Variants in APBA2 observed in about 807,000 individuals in gnomAD.
The protein encoded by APBA2 is amyloid beta precursor protein binding family A member 2, also known as amyloid-beta A4 precursor protein-binding family A member 2.
A neutral mutation model predicts 75.0 loss-of-function variants in APBA2; 30 were observed. The observed-to-expected ratio is 0.40, with a 90% CI of 0.30 to 0.54. The LOEUF (loss-of-function observed/expected upper bound fraction) is 0.54, where lower values mean the gene tolerates loss of function less well. Among genes scored for constraint, APBA2 ranks in the 20% least tolerant of loss-of-function variants. The probability of loss-of-function intolerance (pLI) is 0.49; values close to 1 mark genes in which losing one functional copy is unlikely to be tolerated. For missense variants in APBA2, 801 were observed against 1,016.1 expected (o/e 0.79, Z 2.88); for synonymous variants, 444 against 409.6 (o/e 1.08, Z -1.01).
At chr15:28,932,932 C>G (rs1489038116) in intron 2 of APBA2, among the ~76,000 whole-genome samples, 1 of 152,038 alleles carries the variant, frequency 6.6e-6, no homozygotes, top group Non-Finnish European at 1.5e-5. Flanking sequence ...ATGAACAGAA[C>G]ATTATTTGGC....
At chr15:29,051,524 G>T (rs1381569920) in intron 3 of APBA2, among the ~76,000 whole-genome samples, 1 of 152,186 alleles carries the variant, frequency 6.6e-6, no homozygotes, top group Non-Finnish European at 1.5e-5. Context: ...GAATTCACAC[G>T]TTGGAAGCAT....
chr15:29,052,454 C>CAAAAAAAAA (rs61521872), intron 3 of APBA2, among the ~76,000 whole-genome samples: 6 of 103,184 alleles, frequency 5.8e-5, no homozygotes, highest in Admixed American at 9.8e-5. Context: ...GACTCCATCT[C>CAAAAAAAAA]AAAAAAAAAA....
intron 4 of APBA2, among the ~76,000 whole-genome samples, chr15:29,065,815 G>A (rs866870468): frequency 1.3e-5 from 2 of 152,186 alleles, no homozygotes; most frequent in Non-Finnish European, 2.9e-5. Context: ...GCCTCCATCT[G>A]GTCCTGGTCC....
In APBA2 at chr15:29,046,916, C is replaced by T. The variant is rs2041363423; in HGVS notation, c.-40-6929C>T. 6.6e-6 allele frequency among the ~76,000 whole-genome samples: 1 copy of T among 152,262 alleles called. No homozygotes were observed. The highest frequency in any genetic ancestry group is 6.5e-5 in the Admixed American group (1 of 15,288). On this transcript the variant is annotated intron_variant, in intron 3 of 14. Transcript: ENST00000683413. This position sits in a 1 kb window ranked among gnomAD's most constrained non-coding sequence, Gnocchi z 5.0. ...TCCCCGTTCCCATCTAAGACATTCA[C>T]CTCATCAGGCATCTCTCCTGGACCA...
chr15:28,901,145 G>A (rs2032826355), intron 1 of APBA2, among the ~76,000 whole-genome samples: 2 of 152,218 alleles, frequency 1.3e-5, no homozygotes, highest in Non-Finnish European at 1.5e-5. Flanking sequence ...TAGAACCTCA[G>A]AAAGATTTTG....
At chr15:29,071,422 G>A (rs996727647) in intron 4 of APBA2, among the ~76,000 whole-genome samples, 3 of 151,614 alleles carry the variant, frequency 2.0e-5, no homozygotes, top group South Asian at 2.1e-4. Context: ...CGCCTTCTCC[G>A]AGTGATGGCT....
chr15:28,903,113 C>T (rs2032953106), intron 1 of APBA2, among the ~76,000 whole-genome samples: 1 of 152,164 alleles, frequency 6.6e-6, no homozygotes, highest in Non-Finnish European at 1.5e-5. Flanking sequence ...TGGTGCCGGC[C>T]AGGTTCCATG....
chr15:29,077,559 C>A (rs1488006812), intron 6 of APBA2, among the ~76,000 whole-genome samples: 21 of 152,160 alleles, frequency 1.4e-4, no homozygotes, highest in Non-Finnish European at 1.5e-5. Flanking sequence ...GCCTGGGGTA[C>A]CTCGGACTCT....
intron 4 of APBA2, among the ~76,000 whole-genome samples, chr15:29,063,135 G>A (rs112102232): frequency 1.8e-5 from 2 of 108,862 alleles, no homozygotes; most frequent in African/African-American, 7.2e-5. Flanking sequence ...GTGGGGAGGG[G>A]AGTTGATCTG....
intron 2 of APBA2, among the ~76,000 whole-genome samples, chr15:28,962,699 A>T (rs1262530987): frequency 0.019 from 1 of 52 alleles, no homozygotes; most frequent in Non-Finnish European, 0.038. Flanking sequence ...AGTGTGAGCC[A>T]CCATGGCCCA....
At chr15:29,062,186 C>G (rs981676986) in intron 4 of APBA2, among the ~76,000 whole-genome samples, 1 of 152,178 alleles carries the variant, frequency 6.6e-6, no homozygotes, top group African/African-American at 2.4e-5. Flanking sequence ...TTTCTGCAGC[C>G]ATGCCTCAGA....
chr15:29,101,122 C>T (rs1051945779), intron 9 of APBA2, among the ~76,000 whole-genome samples: 13 of 150,736 alleles, frequency 8.6e-5, no homozygotes, highest in Admixed American at 8.6e-4. Flanking sequence ...GCTCCTAACA[C>T]CTTGCAGTGC....
At chr15:28,962,526 G>A (rs751106420) in intron 2 of APBA2, among the ~76,000 whole-genome samples, 37 of 151,938 alleles carry the variant, frequency 2.4e-4, no homozygotes, top group Non-Finnish European at 4.0e-4. Flanking sequence ...CAGAGATCGC[G>A]CCACTGCACT....
chr15:29,047,597 G>A (rs995950614), intron 3 of APBA2, among the ~76,000 whole-genome samples: 5 of 152,272 alleles, frequency 3.3e-5, no homozygotes, highest in East Asian at 1.9e-4. Flanking sequence ...TTCAGCCATC[G>A]TAAAGTGAAA....
At position 29,025,974 on chromosome 15, in the gene APBA2, ATGGCCC is replaced by A. The variant is rs1156485445; in HGVS notation, c.-40-27870_-40-27865del. ...TCAAAAAAAAAAAAAAAGAAAAGAAATGGCCCAGAGATGGCGGGCTGGATAACATAT... is the reference window on the plus strand; with the variant it reads ...TCAAAAAAAAAAAAAAAGAAAAGAAAAGAGATGGCGGGCTGGATAACATAT... On this transcript the variant is annotated intron_variant, in intron 3 of 14. Coordinates refer to ENST00000683413, the MANE Select transcript of APBA2 (RefSeq NM_001353788.2). 2.3e-4 allele frequency among the ~76,000 whole-genome samples: 27 copies of A among 115,256 alleles called. 2 individuals are homozygous for A. Among genetic ancestry groups the A allele is most frequent in the Non-Finnish European group, 3.0e-4 (13 of 42,774 alleles). 75.6% of individuals were successfully genotyped at this position (115,256 alleles called of 152,430 possible).
intron 3 of APBA2, among the ~76,000 whole-genome samples, chr15:29,000,743 A>G (rs2038799744): frequency 6.6e-6 from 1 of 152,148 alleles, no homozygotes; most frequent in South Asian, 2.1e-4. Context: ...GGCATGTGCC[A>G]CCACACCCAG....
chr15:29,104,014 G>A lies in APBA2; in HGVS notation c.1525-1365G>A, dbSNP rs567532368. ...GTGGGAACCGGCAAGTCCTGGAAAC[G>A]GCTTAGGGCCCGTCAGGGAGGGCAG... On this transcript the variant is annotated intron_variant, in intron 10 of 14. Transcript: ENST00000683413. 1.2e-4 allele frequency among the ~76,000 whole-genome samples: 18 copies of A among 152,354 alleles called. 1 individual carries two copies. The highest frequency in any genetic ancestry group is 9.8e-4 in the Admixed American group (15 of 15,308).
chr15:28,931,670 CTG>C (rs2034572323), intron 2 of APBA2, among the ~76,000 whole-genome samples: 1 of 152,136 alleles, frequency 6.6e-6, no homozygotes, highest in African/African-American at 2.4e-5. Context: ...GTTTCTCCCT[CTG>C]AGAGTCCAAA....
intron 7 of APBA2, 116 bp downstream of exon 7, chr15:29,093,336 CAG>C (rs1046034579): frequency 3.4e-5 from 50 of 1,456,194 alleles, no homozygotes; most frequent in East Asian, 4.9e-5. Flanking sequence ...GCCCTCAGCA[CAG>C]GGGGCAGGAG....
Sources: allele counts gnomAD v4.1 joint callset (sites outside exome capture counted in the v4.1 genomes callset), GRCh38; gene constraint gnomAD v4.1.1; non-coding constraint Gnocchi (gnomAD v3.1); transcripts MANE v1.5; gene names NCBI Gene and HGNC (gene_info 2026-07-23, HGNC 2026-07-21).